THSD7A: variants seen among roughly 807,000 people sequenced by gnomAD.
The protein encoded by THSD7A is thrombospondin type 1 domain containing 7A.
In THSD7A, 96 loss-of-function variants were observed where a neutral mutation model predicts 231.3. That is an observed-to-expected ratio of 0.41 (90% CI 0.35 to 0.49). THSD7A has a LOEUF of 0.49. Ranked by LOEUF, THSD7A falls within the 20% of genes least tolerant of loss-of-function variation. The pLI is 0.05. For synonymous variants in THSD7A, 940 were observed against 743.3 expected, an observed-to-expected ratio of 1.26 and a Z score of -4.30; for missense variants, 2,290 against 2,070.2, an observed-to-expected ratio of 1.11 and a Z score of -2.06.
intron 16 of THSD7A, among the ~76,000 whole-genome samples, chr7:11,421,144 G>A (rs1044951223): frequency 2.0e-5 from 3 of 152,264 alleles, no homozygotes; most frequent in Non-Finnish European, 4.4e-5. Context: ...TTTGAAATAT[G>A]AGAAATACAT....
At chr7:11,822,497 T>C (rs1784905110) in intron 1 of THSD7A, among the ~76,000 whole-genome samples, 1 of 152,166 alleles carries the variant, frequency 6.6e-6, no homozygotes, top group Non-Finnish European at 1.5e-5. Context: ...TTGTGAATAG[T>C]ACTATGATTA....
At chr7:11,640,614 T>C (rs1313944401) in intron 1 of THSD7A, among the ~76,000 whole-genome samples, 1 of 152,142 alleles carries the variant, frequency 6.6e-6, no homozygotes, top group African/African-American at 2.4e-5. Flanking sequence ...AGCATTGTCT[T>C]GGAGGCAGAT....
intron 6 of THSD7A, among the ~76,000 whole-genome samples, chr7:11,501,144 C>G (rs949822029): frequency 6.6e-6 from 1 of 152,138 alleles, no homozygotes; most frequent in Non-Finnish European, 1.5e-5. Context: ...TTCCTAGAGA[C>G]CTACAAAGAG....
intron 23 of THSD7A, among the ~76,000 whole-genome samples, chr7:11,382,937 T>C (rs1246958405): frequency 6.6e-6 from 1 of 150,826 alleles, no homozygotes; most frequent in South Asian, 2.1e-4. Context: ...TATATATATA[T>C]ATATCTCCCA....
intron 1 of THSD7A, among the ~76,000 whole-genome samples, chr7:11,672,054 T>TA (rs1783416587): frequency 6.6e-6 from 1 of 152,162 alleles, no homozygotes; most frequent in East Asian, 1.9e-4. Context: ...ATTTAAATGT[T>TA]AACTTTTATA....
intron 1 of THSD7A, among the ~76,000 whole-genome samples, chr7:11,823,357 C>G (rs1329087765): frequency 6.6e-6 from 1 of 151,960 alleles, no homozygotes. Flanking sequence ...TTACTATAGC[C>G]TCATAATATA....
intron 15 of THSD7A, among the ~76,000 whole-genome samples, chr7:11,425,929 C>A (rs1583717093): frequency 6.6e-6 from 1 of 152,014 alleles, no homozygotes. Context: ...ATAAAGTGGA[C>A]CTGTCTCAAA....
chr7:11,407,573 G>A (rs1425840767), intron 19 of THSD7A, 150 bp from the exon 20 acceptor site: 4 of 641,114 alleles, frequency 6.2e-6, no homozygotes, highest in Non-Finnish European at 1.1e-5. Flanking sequence ...CCAAACTATT[G>A]AAAGTATAAA....
chr7:11,449,617 T>A (rs558463771), intron 11 of THSD7A, among the ~76,000 whole-genome samples: 149 of 152,072 alleles, frequency 9.8e-4, no homozygotes, highest in African/African-American at 3.3e-3. Flanking sequence ...GTACAGGGAA[T>A]AGATAAAAAA....
intron 4 of THSD7A, among the ~76,000 whole-genome samples, chr7:11,556,310 C>CAT (rs1047061334): frequency 2.4e-4 from 36 of 148,924 alleles, no homozygotes; most frequent in African/African-American, 8.5e-4. Context: ...TATATATGTA[C>CAT]ATATATATAC....
At chr7:11,677,108 A>G (rs976776111) in intron 1 of THSD7A, among the ~76,000 whole-genome samples, 4 of 151,826 alleles carry the variant, frequency 2.6e-5, no homozygotes, top group Non-Finnish European at 4.4e-5. Context: ...GTGGAGGCTA[A>G]CATTCAACAT....
At position 11,805,812 on chromosome 7, in the gene THSD7A, G is replaced by A. The variant is rs564097122; in HGVS notation, c.190+25945C>T. ...GTTACTTACATTCAACATTTAAAAT[G>A]CCAAAATATTTTTAAAATATGGCTC... On this transcript the variant is annotated intron_variant, in intron 1 of 27. Transcript: ENST00000423059. Among the ~76,000 whole-genome samples the A allele has an allele frequency of 2.6e-5, 4 of 152,042 alleles. No homozygotes were observed. The South Asian group carries it at 6.2e-4, about 24-fold the overall frequency.
chr7:11,572,695 C>T (rs971941646), intron 4 of THSD7A, among the ~76,000 whole-genome samples: 4 of 151,272 alleles, frequency 2.6e-5, no homozygotes, highest in South Asian at 2.1e-4. Context: ...TTTTTGGAGG[C>T]GGGTCTCATT....
intron 2 of THSD7A, among the ~76,000 whole-genome samples, chr7:11,600,592 G>C (rs1780516589): frequency 6.6e-6 from 1 of 152,120 alleles, no homozygotes; most frequent in Non-Finnish European, 1.5e-5. Flanking sequence ...ATGGACTTGT[G>C]TTGATTTGTA....
intron 2 of THSD7A, among the ~76,000 whole-genome samples, chr7:11,624,405 C>G (rs1781413882): frequency 6.6e-6 from 1 of 152,058 alleles, no homozygotes; most frequent in East Asian, 1.9e-4. Flanking sequence ...ATTTACTGCT[C>G]TTTTGCCACC....
chr7:11,433,788 A>C (rs553725397), intron 13 of THSD7A, among the ~76,000 whole-genome samples: 1 of 152,126 alleles, frequency 6.6e-6, no homozygotes, highest in East Asian at 1.9e-4. Context: ...GGTTTTAGTA[A>C]GATTTAACAT....
chr7:11,775,918 A>T (rs1783391100), intron 1 of THSD7A, among the ~76,000 whole-genome samples: 2 of 152,260 alleles, frequency 1.3e-5, no homozygotes, highest in South Asian at 4.1e-4. Flanking sequence ...AACTGTGAAC[A>T]TTTAAATAAT....
At chr7:11,805,776 G>A (rs902634520) in intron 1 of THSD7A, among the ~76,000 whole-genome samples, 1 of 152,114 alleles carries the variant, frequency 6.6e-6, no homozygotes, top group East Asian at 1.9e-4. Context: ...CTATTCAGAA[G>A]TGTTTTTATA....
chr7:11,393,982 C>T (rs1440621035), intron 23 of THSD7A, among the ~76,000 whole-genome samples: 1 of 152,028 alleles, frequency 6.6e-6, no homozygotes, highest in East Asian at 1.9e-4. Flanking sequence ...CCTAGCAAGA[C>T]AGGCCAACAT....
Sources: allele counts gnomAD v4.1 joint callset (sites outside exome capture counted in the v4.1 genomes callset), GRCh38; gene constraint gnomAD v4.1.1; transcripts MANE v1.5; gene names NCBI Gene and HGNC (gene_info 2026-07-23, HGNC 2026-07-21).